The following DRC8 variants were observed in gnomAD, a reference collection of about 807,000 sequenced individuals.
DRC8 encodes dynein regulatory complex subunit 8.
the DRC8 span, among the ~76,000 whole-genome samples, chr1:245,118,565 G>A: frequency 1.3e-5 from 2 of 152,176 alleles, no homozygotes; most frequent in Admixed American, 1.3e-4. Flanking sequence ...GCTGAGGCAG[G>A]CAGACTGCCT....
the DRC8 span, among the ~76,000 whole-genome samples, chr1:245,020,948 A>T: frequency 1.3e-5 from 2 of 151,974 alleles, no homozygotes; most frequent in East Asian, 3.9e-4. Context: ...GAGTTTTTCA[A>T]AGGCTACATG....
At chr1:245,077,996 C>G in the DRC8 span, among the ~76,000 whole-genome samples, 1 of 151,950 alleles carries the variant, frequency 6.6e-6, no homozygotes, top group African/African-American at 2.4e-5. Context: ...ATAAGGAACT[C>G]AGACAACTCA....
At chr1:244,999,751 C>T in the DRC8 span, among the ~76,000 whole-genome samples, 1 of 152,094 alleles carries the variant, frequency 6.6e-6, no homozygotes, top group East Asian at 1.9e-4. Flanking sequence ...TAGTACTGAA[C>T]CCTATATATA....
the DRC8 span, among the ~76,000 whole-genome samples, chr1:244,972,344 G>C: frequency 6.6e-6 from 1 of 152,316 alleles, no homozygotes; most frequent in African/African-American, 2.4e-5. Flanking sequence ...GAGTAAGGGA[G>C]ATGAGAAATT....
chr1:245,123,275 C>G, the DRC8 span: 2 of 152,048 alleles, frequency 1.3e-5, no homozygotes, highest in African/African-American at 4.8e-5. The surrounding 1 kb of genome is among the most constrained non-coding windows in gnomAD (Gnocchi z 5.0). Flanking sequence ...GCAAAGAAAA[C>G]TGGAAGAGAC....
chr1:245,084,268 A>T, the DRC8 span, among the ~76,000 whole-genome samples: 1 of 151,950 alleles, frequency 6.6e-6, no homozygotes, highest in East Asian at 1.9e-4. Context: ...TTTTTAGTAG[A>T]GATGGGTTTC....
chr1:245,022,699 ATGCATGTGCATG>A, the DRC8 span, among the ~76,000 whole-genome samples: 18 of 152,206 alleles, frequency 1.2e-4, no homozygotes, highest in Admixed American at 3.3e-4. Flanking sequence ...ATGTATGAGT[ATGCATGTGCATG>A]TGCGTGTGCG....
At chr1:245,117,818 A>G in the DRC8 span, among the ~76,000 whole-genome samples, 1 of 152,148 alleles carries the variant, frequency 6.6e-6, no homozygotes, top group Admixed American at 6.5e-5. Flanking sequence ...AAAATACACA[A>G]ATTAGCTGAG....
chr1:244,979,292 CTTTTTTTTT>C, the DRC8 span, among the ~76,000 whole-genome samples: 3 of 51,368 alleles, frequency 5.8e-5, no homozygotes, highest in African/African-American at 2.9e-4. Context: ...CGAAGCTTAT[CTTTTTTTTT>C]TTTTTTTTTT....
At chr1:244,997,928 A>G in the DRC8 span, among the ~76,000 whole-genome samples, 1 of 151,186 alleles carries the variant, frequency 6.6e-6, no homozygotes. Flanking sequence ...TCCCTTGTTT[A>G]TCAAAGACTT....
At chr1:244,999,511 CT>C in the DRC8 span, among the ~76,000 whole-genome samples, 26 of 152,252 alleles carry the variant, frequency 1.7e-4, no homozygotes, top group Middle Eastern at 6.8e-3. Context: ...AGCCTTCCTT[CT>C]TAGTTAAGAT....
chr1:244,998,997 T>C, the DRC8 span, among the ~76,000 whole-genome samples: 8 of 149,152 alleles, frequency 5.4e-5, no homozygotes, highest in East Asian at 1.4e-3. Flanking sequence ...TAGACACTTT[T>C]CTGCCAATAT....
At chr1:245,034,959 G>T in the DRC8 span, among the ~76,000 whole-genome samples, 6 of 150,990 alleles carry the variant, frequency 4.0e-5, no homozygotes, top group African/African-American at 1.5e-4. Context: ...GAGACAGAAT[G>T]ATTAAAACAT....
chr1:245,042,861 G>C, the DRC8 span, among the ~76,000 whole-genome samples: 2 of 152,108 alleles, frequency 1.3e-5, no homozygotes, highest in South Asian at 4.1e-4. Context: ...CTTGTGTCAG[G>C]AACTTGATAC....
chr1:245,110,648 C>G, the DRC8 span, among the ~76,000 whole-genome samples: 6 of 152,356 alleles, frequency 3.9e-5, no homozygotes, highest in Non-Finnish European at 8.8e-5. Flanking sequence ...CAAGGAGGAG[C>G]CTATTGTTTC....
chr1:245,062,449 A>C, the DRC8 span, among the ~76,000 whole-genome samples: 74 of 152,212 alleles, frequency 4.9e-4, no homozygotes, highest in Non-Finnish European at 8.7e-4. Context: ...CCTTCTTTTA[A>C]TATTAAGTTA....
chr1:245,101,277 T>C, the DRC8 span, among the ~76,000 whole-genome samples: 1 of 152,246 alleles, frequency 6.6e-6, no homozygotes, highest in African/African-American at 2.4e-5. Context: ...AGGAACCAAC[T>C]TGTTTGTCCT....
At chr1:245,029,434 A>T in the DRC8 span, among the ~76,000 whole-genome samples, 1 of 152,086 alleles carries the variant, frequency 6.6e-6, no homozygotes, top group African/African-American at 2.4e-5. Context: ...AGTAGCTGGG[A>T]TTACAGGCAC....
the DRC8 span, among the ~76,000 whole-genome samples, chr1:244,998,803 T>C: frequency 6.6e-6 from 1 of 152,148 alleles, no homozygotes; most frequent in African/African-American, 2.4e-5. Context: ...CTTGCTGTTA[T>C]TTCTTCTGCC....
Sources: allele counts gnomAD v4.1 joint callset (sites outside exome capture counted in the v4.1 genomes callset), GRCh38; gene constraint gnomAD v4.1.1; non-coding constraint Gnocchi (gnomAD v3.1); transcripts MANE v1.5; gene names NCBI Gene and HGNC (gene_info 2026-07-23, HGNC 2026-07-21).